Variants in EFHD1 observed in about 807,000 individuals in gnomAD.
EFHD1 encodes the protein EF-hand domain family member D1.
EFHD1 carries 10 observed loss-of-function variants against 17.2 expected under a neutral mutation model. The observed-to-expected ratio is 0.58, with a 90% CI of 0.36 to 0.99. The LOEUF is 0.99. Ranked by LOEUF, EFHD1 falls within the 50% of genes least tolerant of loss-of-function variation. The pLI is 0.01. For synonymous variants in EFHD1, 153 were observed against 142.0 expected (o/e 1.08, Z -0.55); for missense variants, 310 against 327.5 (o/e 0.95, Z 0.41).
chr2:232,661,208 T>C (rs1694862211), intron 1 of EFHD1, among the ~76,000 whole-genome samples: 2 of 151,952 alleles, frequency 1.3e-5, no homozygotes, highest in Admixed American at 1.3e-4. Context: ...TAAGTGGACA[T>C]CATTAAGTAC....
chr2:232,673,709 G>T (rs550311855), intron 3 of EFHD1, among the ~76,000 whole-genome samples: 5 of 151,828 alleles, frequency 3.3e-5, no homozygotes, highest in Non-Finnish European at 5.9e-5. Context: ...CATGCTTTTG[G>T]TAAAAGTATA....
chr2:232,643,678 T>C (rs1366697206), intron 1 of EFHD1, among the ~76,000 whole-genome samples: 1 of 151,442 alleles, frequency 6.6e-6, no homozygotes, highest in Non-Finnish European at 1.5e-5. Context: ...TTGTTGTTTG[T>C]TTGTTTGTTT....
At chr2:232,637,891 C>T (rs1694347009) in intron 1 of EFHD1, among the ~76,000 whole-genome samples, 1 of 152,100 alleles carries the variant, frequency 6.6e-6, no homozygotes, top group African/African-American at 2.4e-5. Context: ...TGGATCCTTC[C>T]CAGCCTCTGA....
chr2:232,606,889 C>CA (rs1245034636), intron 1 of EFHD1, among the ~76,000 whole-genome samples: 4 of 144,318 alleles, frequency 2.8e-5, no homozygotes, highest in African/African-American at 7.5e-5. Context: ...GACTCCGTCT[C>CA]AAAAAAATAA....
chr2:232,652,190 G>A (rs914238959), intron 1 of EFHD1, among the ~76,000 whole-genome samples: 6 of 152,220 alleles, frequency 3.9e-5, no homozygotes, highest in African/African-American at 1.2e-4. Context: ...TCCTCTTGGC[G>A]AACAATGAAT....
In EFHD1 at chr2:232,606,069, CG is replaced by C. The variant is rs1427490102; in HGVS notation, c.-89del. The C allele has an allele frequency of 2.1e-6, 3 of 1,431,140 alleles. No homozygotes were observed. In the African/African-American group the frequency reaches 4.3e-5, roughly 20 times the overall value. 88.7% of individuals were successfully genotyped at this position (1,431,140 alleles called of 1,614,324 possible). A position where few individuals can be genotyped will look rare whatever the true frequency, so the allele number is the denominator to read the frequency against. On this transcript the variant is annotated 5_prime_UTR_variant, in exon 1 of 4. Coordinates refer to the EFHD1 transcript ENST00000409613. ...TTCCGAGAGCCCCGCTAAGTGCAGGCGGATACCCCGGCCTTGGCGGCTGCTT... is the reference window on the plus strand; with the variant it reads ...TTCCGAGAGCCCCGCTAAGTGCAGGCGATACCCCGGCCTTGGCGGCTGCTT...
At chr2:232,657,012 T>G (rs1354972899) in intron 1 of EFHD1, among the ~76,000 whole-genome samples, 2 of 152,204 alleles carry the variant, frequency 1.3e-5, no homozygotes, top group Non-Finnish European at 2.9e-5. Context: ...ACTCCTAGGC[T>G]CAAGTGATTC....
At chr2:232,639,005 G>A (rs959545672) in intron 1 of EFHD1, among the ~76,000 whole-genome samples, 7 of 152,104 alleles carry the variant, frequency 4.6e-5, no homozygotes, top group African/African-American at 1.7e-4. Context: ...TGTCTTAGAC[G>A]GGTTTAAGTG....
rs543355672 is a variant in EFHD1, at chr2:232,613,705, T to C, written c.14+7532T>C. On this transcript the variant is annotated intron_variant, in intron 1 of 3. Transcript: ENST00000409613. ...ACACATACACAAATATACACACACATACACACACAAATATACACACACATA... is the reference window on the plus strand; with the variant it reads ...ACACATACACAAATATACACACACACACACACACAAATATACACACACATA... 3.5e-3 allele frequency among the ~76,000 whole-genome samples: 265 copies of C among 74,828 alleles called. 2 individuals are homozygous for C. The highest frequency in any genetic ancestry group is 0.013 in the African/African-American group (248 of 18,428). 49.1% of individuals were successfully genotyped at this position (74,828 alleles called of 152,430 possible). A position where few individuals can be genotyped will look rare whatever the true frequency, so the allele number is the denominator to read the frequency against.
chr2:232,638,560 C>T, intron 1 of EFHD1: 3 of 428,134 alleles, frequency 7.0e-6, no homozygotes, highest in South Asian at 5.3e-5. Context: ...TTAGTCTTGT[C>T]TCTAAAGGAG....
At chr2:232,613,891 C>A (rs1032431598) in intron 1 of EFHD1, among the ~76,000 whole-genome samples, 2 of 94,334 alleles carry the variant, frequency 2.1e-5, no homozygotes, top group African/African-American at 3.4e-5. Context: ...CATATACACA[C>A]ACAAACACAT....
At chr2:232,674,669 G>C (rs1400024630) in intron 3 of EFHD1, among the ~76,000 whole-genome samples, 3 of 152,098 alleles carry the variant, frequency 2.0e-5, no homozygotes, top group Non-Finnish European at 2.9e-5. Flanking sequence ...TACAGTGCTT[G>C]GTATATAATG....
chr2:232,655,802 C>CTTTTTTTT (rs66762860), intron 1 of EFHD1, among the ~76,000 whole-genome samples: 1 of 133,282 alleles, frequency 7.5e-6, no homozygotes, highest in Admixed American at 7.4e-5. Context: ...TGTGTGGGGT[C>CTTTTTTTT]TTTTTTTTTT....
At chr2:232,653,847 G>T (rs745344822) in intron 1 of EFHD1, among the ~76,000 whole-genome samples, 2 of 152,154 alleles carry the variant, frequency 1.3e-5, no homozygotes, top group Non-Finnish European at 2.9e-5. Context: ...TGCCCACTGG[G>T]CTAGTGGGCT....
chr2:232,634,685 G>A (rs1381941036), intron 1 of EFHD1, among the ~76,000 whole-genome samples: 1 of 152,206 alleles, frequency 6.6e-6, no homozygotes, highest in Non-Finnish European at 1.5e-5. Flanking sequence ...CCGCTCACCT[G>A]GGGAGACACT....
intron 3 of EFHD1, among the ~76,000 whole-genome samples, chr2:232,681,100 GAGCCAAGATCACACCACTGCACTCC>G (rs1014132556): frequency 2.6e-5 from 4 of 151,938 alleles, no homozygotes; most frequent in African/African-American, 9.7e-5. Flanking sequence ...AGATTGCAGT[GAGCCAAGATCACACCACTGCACTCC>G]AGCCTGAGCG....
intron 1 of EFHD1, among the ~76,000 whole-genome samples, chr2:232,625,128 ATTTG>A (rs373532163): frequency 5.9e-5 from 9 of 151,984 alleles, no homozygotes; most frequent in Admixed American, 5.9e-4. Context: ...CTGGGTTCAT[ATTTG>A]TTTGTTTGTT....
intron 1 of EFHD1, among the ~76,000 whole-genome samples, chr2:232,648,025 A>C (rs1040048787): frequency 3.9e-5 from 6 of 152,194 alleles, no homozygotes; most frequent in Non-Finnish European, 8.8e-5. Context: ...GGATTGCTTG[A>C]GTACAGGAGT....
intron 1 of EFHD1, among the ~76,000 whole-genome samples, chr2:232,613,811 CACATATACACACACAA>C (rs1444185841): frequency 7.2e-6 from 1 of 139,460 alleles, no homozygotes; most frequent in African/African-American, 2.7e-5. Context: ...AAAATATACA[CACATATACACACACAA>C]ATATACACAC....
Sources: gnomAD v4.1 joint callset for allele counts (sites outside exome capture counted in the v4.1 genomes callset) on GRCh38, gnomAD v4.1.1 for gene constraint, MANE v1.5 for transcripts, NCBI Gene and HGNC (gene_info 2026-07-23, HGNC 2026-07-21) for gene names.